HNRNPM: variants seen among roughly 807,000 people sequenced by gnomAD.
HNRNPM encodes the protein CEA receptor.
HNRNPM carries 11 observed loss-of-function variants against 73.1 expected under a neutral mutation model. The ratio of observed to expected loss-of-function variants is 0.15; its 90% CI spans 0.09 to 0.25. The LOEUF is 0.25. Among genes scored for constraint, HNRNPM ranks in the 10% least tolerant of loss-of-function variants. The probability of loss-of-function intolerance (pLI) is 1.00; values close to 1 mark genes in which losing one functional copy is unlikely to be tolerated. For synonymous variants in HNRNPM, 407 were observed against 355.2 expected (o/e 1.15, Z -1.64); for missense variants, 789 against 1,067.9 (o/e 0.74, Z 3.64).
Position 8,462,564 on chromosome 19 carries a change from G to A in HNRNPM, c.319G>A (p.Ala107Thr). 6.2e-7 allele frequency: 1 copy of A among 1,613,502 alleles called. No individual in the cohort carries two copies. The highest frequency in any genetic ancestry group is 8.5e-7 in the Non-Finnish European group (1 of 1,179,420). Residue 107 changes from alanine to threonine, a missense_variant, in exon 3 of 16, where the codon GCT (alanine) becomes ACT (threonine). Physicochemically the swap from Ala to Thr is moderately conservative, Grantham distance 58. Transcript: ENST00000325495. The surrounding 1 kb of genome is among the most constrained non-coding windows in gnomAD (Gnocchi z 4.5). ...EVTYVELLMD[A>T]EGKSRGCAVV... ...AACATACGTGGAGCTCTTAATGGACGCTGAAGGAAAGTCAAGGGTAAGTGT... is the reference window on the plus strand; with the variant it reads ...AACATACGTGGAGCTCTTAATGGACACTGAAGGAAAGTCAAGGGTAAGTGT...
At chr19:8,446,062 G>A (rs937911500) in intron 1 of HNRNPM, among the ~76,000 whole-genome samples, 1 of 152,176 alleles carries the variant, frequency 6.6e-6, no homozygotes, top group Non-Finnish European at 1.5e-5. Context: ...AGACAGAGAG[G>A]TTTTGGCTCC....
At chr19:8,481,873 T>G (rs1599845032) in intron 12 of HNRNPM, among the ~76,000 whole-genome samples, 1 of 151,974 alleles carries the variant, frequency 6.6e-6, no homozygotes, top group South Asian at 2.1e-4. Context: ...TGTCTCTTGG[T>G]GAACTTTCCC....
At position 8,445,087 on chromosome 19, in the gene HNRNPM, G is replaced by A; in HGVS notation, c.89G>A (p.Gly30Asp). The A allele has an allele frequency of 7.0e-7, 1 of 1,423,016 alleles. No individual in the cohort carries two copies. Among genetic ancestry groups the A allele is most frequent in the Non-Finnish European group, 9.2e-7 (1 of 1,088,104 alleles). 88.1% of individuals were successfully genotyped at this position (1,423,016 alleles called of 1,614,324 possible). ...EESGAPGVPS[G>D]NGAPGPKGEG... is the part of the protein sequence containing the mutation. Reference sequence around the variant, plus strand: ...AGCGGCGCGCCCGGCGTGCCGAGCGGCAACGGGGCTCCGGGCCCTAAGGGG... The same window carrying A: ...AGCGGCGCGCCCGGCGTGCCGAGCGACAACGGGGCTCCGGGCCCTAAGGGG... Residue 30 changes from glycine (G) to aspartate (D), a missense_variant, in exon 1 of 16, where the codon GGC becomes GAC. This residue lies in a region of HNRNPM where 79 missense variants were observed against 70.7 expected (regional missense o/e 1.12). Coordinates refer to ENST00000325495, the MANE Select transcript of HNRNPM (RefSeq NM_005968.5).
chr19:8,472,249 C>A (rs1245516666), intron 10 of HNRNPM, among the ~76,000 whole-genome samples: 1 of 149,190 alleles, frequency 6.7e-6, no homozygotes. Flanking sequence ...TTAGCATTTT[C>A]ATTGCTGTGT....
chr19:8,474,081 G>A, intron 11 of HNRNPM, 86 bp from the exon 12 acceptor site: 1 of 991,408 alleles, frequency 1.0e-6, no homozygotes. Flanking sequence ...AGATACCCCA[G>A]TTGAAACATG....
At chr19:8,453,048 CGAACTCTTGGGTTTAAGTAA>C (rs1478123525) in intron 1 of HNRNPM, among the ~76,000 whole-genome samples, 2 of 152,082 alleles carry the variant, frequency 1.3e-5, no homozygotes, top group African/African-American at 4.8e-5. Flanking sequence ...TCTTATTTGT[CGAACTCTTGGGTTTAAGTAA>C]GATTCTCCTG....
At chr19:8,465,962 A>T (rs1254987599) in intron 6 of HNRNPM, among the ~76,000 whole-genome samples, 7 of 152,302 alleles carry the variant, frequency 4.6e-5, no homozygotes, top group African/African-American at 7.2e-5. Context: ...ACAATTTTTT[A>T]AAAATGTTCA....
Position 8,474,180 on chromosome 19 carries a change from C to T in HNRNPM, c.1056C>T (p.Pro352=), listed in dbSNP as rs764603334. 13 of 1,596,856 alleles carry T rather than the reference C, an allele frequency of 8.1e-6. No homozygotes were observed. Among genetic ancestry groups the T allele is most frequent in the African/African-American group, 1.4e-5 (1 of 73,518 alleles). Residue 352 remains proline, a synonymous_variant, in exon 12 of 16, where the codon CCC becomes CCT. Coordinates refer to ENST00000325495, the MANE Select transcript of HNRNPM (RefSeq NM_005968.5). ...CCTCTCTTGCAGGAATGGAGGGGCC[C>T]TTTGGTGGTGGTATGGAAAACATGG... ...GINKMGGMEG[P]FGGGMENMGR... is the part of the protein sequence containing the mutation.
chr19:8,484,467 C>T (rs1450206203), intron 13 of HNRNPM, among the ~76,000 whole-genome samples: 1 of 152,242 alleles, frequency 6.6e-6, no homozygotes, highest in Non-Finnish European at 1.5e-5. Flanking sequence ...GCCACCACAC[C>T]CAGCTGCCCC....
chr19:8,486,254 T>C lies in HNRNPM; in HGVS notation c.1826T>C (p.Leu609Pro), dbSNP rs1374336443. The change falls in exon 14 of 16, where the codon CTG becomes CCG. Residue 609 changes from leucine to proline, a missense_variant. Leu to Pro is a moderately conservative substitution (Grantham distance 98, BLOSUM62 -3). Transcript: ENST00000325495. ...GGCGCTGGCATTGAGCGCATGGGCC[T>C]GGCCATGGGTGGCGGTGGCGGTGCC... ...ALGAGIERMG[L>P]AMGGGGGASF... 1 of 1,602,764 alleles carries C rather than the reference T, an allele frequency of 6.2e-7. No homozygotes were observed. Among genetic ancestry groups the C allele is most frequent in the Non-Finnish European group, 8.5e-7 (1 of 1,179,652 alleles).
At chr19:8,476,008 C>G (rs1352055495) in intron 12 of HNRNPM, among the ~76,000 whole-genome samples, 1 of 147,546 alleles carries the variant, frequency 6.8e-6, no homozygotes, top group Non-Finnish European at 1.5e-5. Context: ...AGATGGAAAT[C>G]AGGATGGGTT....
rs1341005733 is a variant in HNRNPM, at chr19:8,488,606, T to C, written c.2030-85T>C. 1.4e-5 allele frequency: 18 copies of C among 1,276,230 alleles called. No individual in the cohort carries two copies. The East Asian group carries it at 4.0e-4, about 29-fold the overall frequency. The allele number at this position is 1,276,230 out of a possible 1,614,324, so 79.1% of individuals were successfully genotyped here. On this transcript the variant is annotated intron_variant, in intron 15 of 15. Coordinates refer to ENST00000325495, the MANE Select transcript of HNRNPM (RefSeq NM_005968.5). ...ATTCTGAGCCTTTGTGCTCTAGGCT[T>C]CAGGGCCTCTCCTTTTTGACTCTGT...
intron 5 of HNRNPM, among the ~76,000 whole-genome samples, chr19:8,464,580 C>T (rs1247345548): frequency 1.3e-5 from 2 of 151,950 alleles, no homozygotes; most frequent in Admixed American, 1.3e-4. Context: ...TGCAGTGAGC[C>T]GAGATCGCGC....
At chr19:8,482,958 G>A in intron 12 of HNRNPM, 200 bp from the exon 13 acceptor site, 1 of 553,768 alleles carries the variant, frequency 1.8e-6, no homozygotes, top group African/African-American at 1.9e-5. Context: ...GCTACGTGGG[G>A]TCTTGGCATC....
At chr19:8,461,279 TTTACC>T (rs1184538198) in intron 2 of HNRNPM, among the ~76,000 whole-genome samples, 1 of 152,214 alleles carries the variant, frequency 6.6e-6, no homozygotes, top group East Asian at 1.9e-4. Context: ...GTAAAATAAT[TTTACC>T]TTGTTTTTCA....
intron 2 of HNRNPM, among the ~76,000 whole-genome samples, chr19:8,460,648 A>G (rs560406883): frequency 1.3e-5 from 2 of 152,356 alleles, no homozygotes; most frequent in South Asian, 4.1e-4. Context: ...CTGGGTTGCA[A>G]TTACAGCTTT....
intron 1 of HNRNPM, among the ~76,000 whole-genome samples, chr19:8,452,744 G>T (rs1196010938): frequency 6.6e-6 from 1 of 152,202 alleles, no homozygotes; most frequent in Non-Finnish European, 1.5e-5. Context: ...GTTGATTTGG[G>T]TGTGGCTCAC....
At chr19:8,455,045 G>A (rs1968908674) in intron 1 of HNRNPM, among the ~76,000 whole-genome samples, 1 of 152,080 alleles carries the variant, frequency 6.6e-6, no homozygotes, top group African/African-American at 2.4e-5. Context: ...GGTGATCATA[G>A]TTTGCTGGAG....
chr19:8,479,588 ACACAGG>A (rs1970758817), intron 12 of HNRNPM, among the ~76,000 whole-genome samples: 1 of 151,692 alleles, frequency 6.6e-6, no homozygotes, highest in Non-Finnish European at 1.5e-5. Context: ...GTGGCTAGGA[ACACAGG>A]CACATGCCAC....
Sources: allele counts gnomAD v4.1 joint callset (sites outside exome capture counted in the v4.1 genomes callset), GRCh38; gene constraint gnomAD v4.1.1; regional missense constraint gnomAD v4.1.1; non-coding constraint Gnocchi (gnomAD v3.1); transcripts MANE v1.5; gene names NCBI Gene and HGNC (gene_info 2026-07-23, HGNC 2026-07-21).